CAMTA1: variants seen among roughly 807,000 people sequenced by gnomAD.
The protein encoded by CAMTA1 is calmodulin binding transcription activator 1.
A neutral mutation model predicts 170.9 loss-of-function variants in CAMTA1; 27 were observed. The ratio of observed to expected loss-of-function variants is 0.16; its 90% CI spans 0.12 to 0.22. The LOEUF (loss-of-function observed/expected upper bound fraction) is 0.22, where lower values mean the gene tolerates loss of function less well. Ranked by LOEUF, CAMTA1 falls within the 10% of genes least tolerant of loss-of-function variation. CAMTA1 has a pLI of 1.00. For missense variants in CAMTA1, 1,619 were observed against 2,217.2 expected (o/e 0.73, Z 5.42); for synonymous variants, 833 against 891.5 (o/e 0.93, Z 1.17).
chr1:7,718,085 A>G (rs2096624211), intron 11 of CAMTA1, among the ~76,000 whole-genome samples: 2 of 152,108 alleles, frequency 1.3e-5, no homozygotes, highest in Non-Finnish European at 2.9e-5. Flanking sequence ...GTTTCTGGTG[A>G]CAAAGGCTCA....
intron 3 of CAMTA1, among the ~76,000 whole-genome samples, chr1:6,988,684 G>A (rs1695792479): frequency 6.6e-6 from 1 of 152,092 alleles, no homozygotes; most frequent in African/African-American, 2.4e-5. Context: ...TCTGTGAAGA[G>A]TACTTGGAGT....
intron 5 of CAMTA1, among the ~76,000 whole-genome samples, chr1:7,315,054 G>T (rs746822267): frequency 6.6e-6 from 1 of 152,200 alleles, no homozygotes; most frequent in Non-Finnish European, 1.5e-5. Flanking sequence ...TGACTCAAGG[G>T]TCAGTGAAGG....
intron 4 of CAMTA1, among the ~76,000 whole-genome samples, chr1:7,124,730 C>G (rs374489382): frequency 6.6e-6 from 1 of 152,208 alleles, no homozygotes. Context: ...CGGCGAAGCA[C>G]GGCGCTGACA....
intron 5 of CAMTA1, among the ~76,000 whole-genome samples, chr1:7,384,951 A>C (rs1440030524): frequency 6.6e-6 from 1 of 152,158 alleles, no homozygotes; most frequent in South Asian, 2.1e-4. Context: ...CCCAGGACTC[A>C]CAGCCTCTCC....
Position 7,289,745 on chromosome 1 carries a change from T to C in CAMTA1, c.438+40119T>C, listed in dbSNP as rs553170490. 1.3e-3 allele frequency among the ~76,000 whole-genome samples: 202 copies of C among 152,198 alleles called. 1 individual carries two copies. Among genetic ancestry groups the C allele is most frequent in the Non-Finnish European group, 2.1e-3 (145 of 68,012 alleles). ...AGGACACACAGACTCAGGGCAGGCA[T>C]GGAGAGACTGCGTGAAGACAGAGAT... On this transcript the variant is annotated intron_variant, in intron 5 of 22. Transcript: ENST00000303635.
intron 5 of CAMTA1, among the ~76,000 whole-genome samples, chr1:7,340,700 G>A (rs563472816): frequency 6.6e-6 from 1 of 150,442 alleles, no homozygotes; most frequent in Non-Finnish European, 1.5e-5. Flanking sequence ...ATCTAGCCAT[G>A]TATCCTTCCA....
intron 11 of CAMTA1, among the ~76,000 whole-genome samples, chr1:7,679,580 C>T (rs201277012): frequency 6.7e-6 from 1 of 149,026 alleles, no homozygotes; most frequent in Admixed American, 6.6e-5. Context: ...TAGCTGCCCC[C>T]CCCCCCAGAA....
At chr1:7,509,422 C>T (rs564897990) in intron 6 of CAMTA1, among the ~76,000 whole-genome samples, 106 of 152,278 alleles carry the variant, frequency 7.0e-4, no homozygotes, top group African/African-American at 2.3e-3. Flanking sequence ...CACCGTGACA[C>T]GGGTTTGATT....
intron 4 of CAMTA1, among the ~76,000 whole-genome samples, chr1:7,122,530 C>G (rs1644706046): frequency 6.6e-6 from 1 of 152,172 alleles, no homozygotes; most frequent in Non-Finnish European, 1.5e-5. Context: ...TAACAAGCAG[C>G]AGAGCAGGCA....
intron 3 of CAMTA1, among the ~76,000 whole-genome samples, chr1:6,963,725 G>T (rs908086167): frequency 2.6e-5 from 4 of 152,150 alleles, no homozygotes; most frequent in Admixed American, 2.6e-4. Flanking sequence ...GGGGGGGCGC[G>T]CTCCCGGGGC....
Position 6,867,199 on chromosome 1 carries a change from CT to C in CAMTA1, c.234+41993del, listed in dbSNP as rs557953930. Among the ~76,000 whole-genome samples, 557 of 152,274 alleles carry C rather than the reference CT, an allele frequency of 3.7e-3. 5 individuals are homozygous for C. Among genetic ancestry groups the C allele is most frequent in the African/African-American group, 0.012 (516 of 41,534 alleles). On this transcript the variant is annotated intron_variant, in intron 3 of 22. Transcript: ENST00000303635. ...ATCACTCTCCAAAGTTTCCTGGTGC[CT>C]TTTGCGATTCCTTCTGCCCACCCTT... is the stretch of plus-strand genomic sequence containing the variant.
rs980170320 is a variant in CAMTA1, at chr1:7,642,602, G to C, written c.664+2049G>C. The stretch of plus-strand genomic sequence containing the variant: ...GGGGCCTACTGATACTTTCTCTGCC[G>C]CAGAGCCTCAGCTGGGCCAGCGCTA... On this transcript the variant is annotated intron_variant, in intron 7 of 22. Coordinates refer to ENST00000303635, the MANE Select transcript of CAMTA1 (RefSeq NM_015215.4). The surrounding 1 kb of genome is among the most constrained non-coding windows in gnomAD (Gnocchi z 6.3). 6.6e-6 allele frequency among the ~76,000 whole-genome samples: 1 copy of C among 152,156 alleles called. No individual in the cohort carries two copies. The highest frequency in any genetic ancestry group is 1.9e-4 in the East Asian group (1 of 5,192).
chr1:6,951,866 TC>T (rs1301864131), intron 3 of CAMTA1, among the ~76,000 whole-genome samples: 11 of 152,118 alleles, frequency 7.2e-5, no homozygotes, highest in Non-Finnish European at 1.3e-4. Flanking sequence ...ATGCAAACTG[TC>T]AAGCGCAGTA....
At position 7,580,943 on chromosome 1, in the gene CAMTA1, A is replaced by G. The variant is rs566501602; in HGVS notation, c.511-59457A>G. 6.6e-6 allele frequency among the ~76,000 whole-genome samples: 1 copy of G among 152,354 alleles called. No individual in the cohort carries two copies. Among genetic ancestry groups the G allele is most frequent in the South Asian group, 2.1e-4 (1 of 4,824 alleles). Reference sequence around the variant, plus strand: ...CAGTTTCCTCATCTGTAAATGGGATAATAATAGAAAATACCCTAAAAGGTT... The same window carrying G: ...CAGTTTCCTCATCTGTAAATGGGATGATAATAGAAAATACCCTAAAAGGTT... On this transcript the variant is annotated intron_variant, in intron 6 of 22. Transcript: ENST00000303635. This position sits in a 1 kb window ranked among gnomAD's most constrained non-coding sequence, Gnocchi z 4.3.
intron 5 of CAMTA1, among the ~76,000 whole-genome samples, chr1:7,335,770 GT>G (rs1443019414): frequency 6.3e-5 from 6 of 95,450 alleles, no homozygotes; most frequent in Admixed American, 2.6e-4. Context: ...TATAGATAAC[GT>G]TAAAAAAAAA....
intron 6 of CAMTA1, among the ~76,000 whole-genome samples, chr1:7,582,320 C>T (rs957518270): frequency 5.3e-5 from 8 of 152,144 alleles, no homozygotes; most frequent in Admixed American, 2.6e-4. Context: ...TTCCTAAATC[C>T]TCTCCTTCCC....
chr1:7,321,221 A>G (rs1360768423), intron 5 of CAMTA1, among the ~76,000 whole-genome samples: 2 of 152,218 alleles, frequency 1.3e-5, no homozygotes, highest in Non-Finnish European at 2.9e-5. Flanking sequence ...CCTCCCAGGC[A>G]TCCAACTTTG....
At chr1:7,150,947 C>T (rs1361769448) in intron 4 of CAMTA1, among the ~76,000 whole-genome samples, 1 of 152,198 alleles carries the variant, frequency 6.6e-6, no homozygotes, top group Non-Finnish European at 1.5e-5. Flanking sequence ...TATTGATTGA[C>T]TCATCAAATG....
At chr1:7,372,803 G>A (rs1346539544) in intron 5 of CAMTA1, among the ~76,000 whole-genome samples, 5 of 152,166 alleles carry the variant, frequency 3.3e-5, no homozygotes, top group Admixed American at 1.3e-4. Flanking sequence ...AGAGCTAGTC[G>A]GCAATAGGAC....
Sources: gnomAD v4.1 joint callset for allele counts (sites outside exome capture counted in the v4.1 genomes callset) on GRCh38, gnomAD v4.1.1 for gene constraint, Gnocchi (gnomAD v3.1) non-coding constraint, MANE v1.5 for transcripts, NCBI Gene and HGNC (gene_info 2026-07-23, HGNC 2026-07-21) for gene names.